The following ZDHHC13 variants were observed in gnomAD, a reference collection of about 807,000 sequenced individuals.
ZDHHC13 encodes the protein palmitoyltransferase ZDHHC13.
Under a neutral mutation model 86.0 loss-of-function variants are expected in ZDHHC13, and 85 were observed. The ratio of observed to expected loss-of-function variants is 0.99; its 90% CI spans 0.83 to 1.18. ZDHHC13 has a LOEUF of 1.18. Ranked by LOEUF, ZDHHC13 falls within the 50% of genes most tolerant of loss-of-function variation. The probability of loss-of-function intolerance (pLI) is 0.00; values close to 1 mark genes in which losing one functional copy is unlikely to be tolerated. For missense variants in ZDHHC13, 711 were observed against 730.2 expected, an observed-to-expected ratio of 0.97 and a Z score of 0.30; for synonymous variants, 263 against 246.4, an observed-to-expected ratio of 1.07 and a Z score of -0.63.
rs548127104 is a variant in ZDHHC13 at position 19,156,438 on chromosome 11, G to A, written c.1007+509G>A. 4.6e-5 allele frequency among the ~76,000 whole-genome samples: 7 copies of A among 152,296 alleles called. No individual in the cohort carries two copies. The South Asian group carries it at 1.4e-3, about 32-fold the overall frequency. Reference sequence around the variant, plus strand: ...GATTATATATAGTTAATGGTTAAGAGTCAGACTGCTTGAATTCAAGTCAAG... The same window carrying A: ...GATTATATATAGTTAATGGTTAAGAATCAGACTGCTTGAATTCAAGTCAAG... On this transcript the variant is annotated intron_variant, in intron 9 of 16. Transcript: ENST00000446113.
Position 19,149,236 on chromosome 11 carries a change from C to A in ZDHHC13, c.424C>A (p.Pro142Thr). 1 of 1,605,564 alleles carries A rather than the reference C, an allele frequency of 6.2e-7. No individual in the cohort carries two copies. Among genetic ancestry groups the A allele is most frequent in the Non-Finnish European group, 8.5e-7 (1 of 1,175,126 alleles). ...ATTATTACTCCAGCATGGTGCAGAC[C>A]CCACTCTTATTGATGGAGAGGGATT... Reference protein sequence around the residue: ...VILLLQHGADPTLIDGEGFSS... With the variant: ...VILLLQHGADTTLIDGEGFSS... Residue 142 changes from proline to threonine, a missense_variant, in exon 5 of 17, where the codon CCC becomes ACC. By Grantham distance (38) the Pro-to-Thr change is conservative (BLOSUM62 -1). Coordinates refer to ENST00000446113, the MANE Select transcript of ZDHHC13 (RefSeq NM_019028.3).
intron 16 of ZDHHC13, among the ~76,000 whole-genome samples, chr11:19,174,095 T>G (rs541752519): frequency 6.6e-6 from 1 of 152,312 alleles, no homozygotes; most frequent in Non-Finnish European, 1.5e-5. Context: ...AAACTGCAGA[T>G]AGTACTGAAC....
chr11:19,134,572 C>T (rs564164418), intron 1 of ZDHHC13, among the ~76,000 whole-genome samples: 79 of 152,206 alleles, frequency 5.2e-4, no homozygotes, highest in African/African-American at 1.8e-3. Flanking sequence ...ATGGATGAAG[C>T]TGGAAACCAT....
chr11:19,117,595 C>T lies in ZDHHC13; in HGVS notation c.27+319C>T, dbSNP rs920912247. On this transcript the variant is annotated intron_variant, in intron 1 of 16. Transcript: ENST00000446113. This position sits in a 1 kb window ranked among gnomAD's most constrained non-coding sequence, Gnocchi z 4.2. ...GTGGGCCTGGGGAGGGGACGATGGCCCTTCCCGGGAGAGGTGTCAGGTGAC... is the reference window on the plus strand; with the variant it reads ...GTGGGCCTGGGGAGGGGACGATGGCTCTTCCCGGGAGAGGTGTCAGGTGAC... 8 of 339,476 alleles carry T rather than the reference C, an allele frequency of 2.4e-5. No homozygotes were observed. The highest frequency in any genetic ancestry group is 4.3e-5 in the Non-Finnish European group (8 of 187,710). 21.0% of individuals were successfully genotyped at this position (339,476 alleles called of 1,614,324 possible). A position where few individuals can be genotyped will look rare whatever the true frequency, so the allele number is the denominator to read the frequency against.
chr11:19,130,090 A>T (rs552493295), intron 1 of ZDHHC13, among the ~76,000 whole-genome samples: 70 of 152,234 alleles, frequency 4.6e-4, no homozygotes, highest in Non-Finnish European at 8.4e-4. Context: ...TCCGTCTTAA[A>T]AAAAAAAGAG....
intron 1 of ZDHHC13, among the ~76,000 whole-genome samples, chr11:19,141,332 A>T (rs73438350): frequency 6.6e-6 from 1 of 152,116 alleles, no homozygotes; most frequent in Non-Finnish European, 1.5e-5. Context: ...TAATATGTAC[A>T]TTTGGTGTAT....
chr11:19,138,804 G>C (rs1248060857), intron 1 of ZDHHC13, among the ~76,000 whole-genome samples: 1 of 151,942 alleles, frequency 6.6e-6, no homozygotes, highest in Non-Finnish European at 1.5e-5. Context: ...CAGAACCAAA[G>C]ACAAAAACCA....
At chr11:19,164,851 A>C (rs1850013662) in intron 12 of ZDHHC13, 1 of 559,756 alleles carries the variant, frequency 1.8e-6, no homozygotes, top group Non-Finnish European at 3.2e-6. Context: ...TGGAATTCAG[A>C]TCCCACTTAG....
intron 1 of ZDHHC13, chr11:19,118,030 C>A (rs1848685007): frequency 6.6e-6 from 1 of 152,212 alleles, no homozygotes; most frequent in South Asian, 2.1e-4. Context: ...ATATTGTAGA[C>A]GTTCACTTAA....
At chr11:19,158,823 G>A (rs1413904986) in intron 9 of ZDHHC13, 117 bp from the exon 10 acceptor site, 1 of 657,890 alleles carries the variant, frequency 1.5e-6, no homozygotes, top group African/African-American at 1.8e-5. Flanking sequence ...CTCAGTATGT[G>A]AAAGCTATTA....
At chr11:19,141,197 T>C (rs1276575016) in intron 1 of ZDHHC13, among the ~76,000 whole-genome samples, 1 of 152,164 alleles carries the variant, frequency 6.6e-6, no homozygotes, top group African/African-American at 2.4e-5. Flanking sequence ...CTATTTCTAC[T>C]TGGAAATCTG....
At chr11:19,131,236 T>A (rs1322392304) in intron 1 of ZDHHC13, among the ~76,000 whole-genome samples, 2 of 152,164 alleles carry the variant, frequency 1.3e-5, no homozygotes, top group East Asian at 3.9e-4. Context: ...GCCAGGCTGG[T>A]CTCGAACTCC....
chr11:19,142,110 G>A, intron 1 of ZDHHC13, among the ~76,000 whole-genome samples: 1 of 151,970 alleles, frequency 6.6e-6, no homozygotes, highest in Middle Eastern at 3.2e-3. Context: ...CTCTGCTAAG[G>A]GTCTCTCACA....
chr11:19,174,219 C>G (rs1035887529), intron 16 of ZDHHC13, among the ~76,000 whole-genome samples: 1 of 152,192 alleles, frequency 6.6e-6, no homozygotes, highest in Admixed American at 6.5e-5. Flanking sequence ...AGCTGGATGG[C>G]GTGAGATTTC....
chr11:19,166,288 T>A lies in ZDHHC13; in HGVS notation c.1391-14T>A. 1 of 1,596,240 alleles carries A rather than the reference T, an allele frequency of 6.3e-7. No individual in the cohort carries two copies. Among genetic ancestry groups the A allele is most frequent in the Non-Finnish European group, 8.5e-7 (1 of 1,173,042 alleles). On this transcript the variant is annotated splice_polypyrimidine_tract_variant and intron_variant, in intron 13 of 16. Coordinates refer to ENST00000446113, the MANE Select transcript of ZDHHC13 (RefSeq NM_019028.3). Reference sequence around the variant, plus strand: ...ACGAAAATATTAAGTATGTTTTTTTTCTTTTTTCTTGAGGTTTTGGCAACC... The same window carrying A: ...ACGAAAATATTAAGTATGTTTTTTTACTTTTTTCTTGAGGTTTTGGCAACC...
chr11:19,117,149 G>C, upstream of ZDHHC13: 2 of 1,323,118 alleles, frequency 1.5e-6, no homozygotes, highest in Non-Finnish European at 2.1e-6. The surrounding 1 kb of genome is among the most constrained non-coding windows in gnomAD (Gnocchi z 4.2). Flanking sequence ...AGGTGAGGGC[G>C]CCAGCAGGAA....
At chr11:19,125,543 T>C (rs1184039529) in intron 1 of ZDHHC13, among the ~76,000 whole-genome samples, 3 of 152,172 alleles carry the variant, frequency 2.0e-5, no homozygotes, top group African/African-American at 7.2e-5. Flanking sequence ...TGGAAAATAG[T>C]TTAGCAGTTT....
intron 4 of ZDHHC13, among the ~76,000 whole-genome samples, chr11:19,148,973 CAAAAA>C (rs896375180): frequency 4.7e-5 from 7 of 149,720 alleles, no homozygotes; most frequent in Non-Finnish European, 7.4e-5. Flanking sequence ...AAACAAAAAA[CAAAAA>C]AAAACGAGAA....
chr11:19,157,927 C>T (rs1849803632), intron 9 of ZDHHC13, among the ~76,000 whole-genome samples: 1 of 152,192 alleles, frequency 6.6e-6, no homozygotes, highest in Non-Finnish European at 1.5e-5. Flanking sequence ...GCTTATTGAT[C>T]TGGGCTGTTA....
Sources: gnomAD v4.1 joint callset for allele counts (sites outside exome capture counted in the v4.1 genomes callset) on GRCh38, gnomAD v4.1.1 for gene constraint, Gnocchi (gnomAD v3.1) non-coding constraint, MANE v1.5 for transcripts, NCBI Gene and HGNC (gene_info 2026-07-23, HGNC 2026-07-21) for gene names.